The following MAP7 variants were observed in gnomAD, a reference collection of about 807,000 sequenced individuals.
MAP7 encodes ensconsin.
Under a neutral mutation model 94.8 loss-of-function variants are expected in MAP7, and 52 were observed. The ratio of observed to expected loss-of-function variants is 0.55; its 90% confidence interval spans 0.44 to 0.69. MAP7 has a LOEUF of 0.69. MAP7 is among the 30% of genes least tolerant of loss of function. The pLI, the probability that MAP7 is intolerant of heterozygous loss-of-function variation, is 0.00. For missense variants in MAP7, 940 were observed against 964.6 expected, an observed-to-expected ratio of 0.97 and a Z score of 0.34; for synonymous variants, 350 against 357.0, an observed-to-expected ratio of 0.98 and a Z score of 0.22.
chr6:136,516,245 C>T (rs1824786817), intron 1 of MAP7, among the ~76,000 whole-genome samples: 1 of 151,990 alleles, frequency 6.6e-6, no homozygotes. Flanking sequence ...ACTGCAGCCT[C>T]GACCTCCTTG....
chr6:136,484,802 T>C (rs991678585), intron 1 of MAP7, among the ~76,000 whole-genome samples: 4 of 152,198 alleles, frequency 2.6e-5, no homozygotes, highest in African/African-American at 9.7e-5. Context: ...CAGGCTCAAG[T>C]GATCCTCCTG....
Position 136,444,651 on chromosome 6 carries a change from G to A in MAP7, c.68-22852C>T, listed in dbSNP as rs190023161. On this transcript the variant is annotated intron_variant, in intron 1 of 17. Coordinates refer to ENST00000354570, the MANE Select transcript of MAP7 (RefSeq NM_003980.6). ...ATTTGATACCACTTTTGGATAAGCT[G>A]TAAACAAGCCCACAATAGAACAGGG... is the stretch of plus-strand genomic sequence containing the variant. Among the ~76,000 whole-genome samples the A allele has an allele frequency of 3.2e-3, 491 of 152,194 alleles. 3 individuals are homozygous for A. Among genetic ancestry groups the A allele is most frequent in the African/African-American group, 0.011 (472 of 41,506 alleles).
chr6:136,389,139 A>G (rs1455137737), intron 4 of MAP7, among the ~76,000 whole-genome samples: 1 of 152,220 alleles, frequency 6.6e-6, no homozygotes, highest in Non-Finnish European at 1.5e-5. Context: ...GGACCAGAGA[A>G]ATGGGCTTTT....
intron 9 of MAP7, 136 bp downstream of exon 9, chr6:136,366,191 T>C: frequency 1.9e-6 from 2 of 1,039,128 alleles, no homozygotes; most frequent in Non-Finnish European, 2.8e-6. Flanking sequence ...ATTTCTCTTT[T>C]TTCTTTCCTT....
At chr6:136,439,656 A>G (rs897538924) in intron 1 of MAP7, among the ~76,000 whole-genome samples, 1 of 152,030 alleles carries the variant, frequency 6.6e-6, no homozygotes, top group Non-Finnish European at 1.5e-5. Context: ...GCACTTTCTG[A>G]CCCTCTACAT....
chr6:136,421,654 A>T, intron 2 of MAP7, 47 bp downstream of exon 2: 1 of 1,527,962 alleles, frequency 6.5e-7, no homozygotes, highest in Non-Finnish European at 9.1e-7. Context: ...CCTTTAGGGC[A>T]TAAAAGATAA....
intron 7 of MAP7, among the ~76,000 whole-genome samples, chr6:136,373,153 G>A (rs1775067540): frequency 6.6e-6 from 1 of 152,138 alleles, no homozygotes; most frequent in Admixed American, 6.5e-5. Context: ...CAGCCAGCAG[G>A]GGAAAAAAGC....
intron 5 of MAP7, among the ~76,000 whole-genome samples, chr6:136,386,183 A>T (rs1260075681): frequency 6.6e-6 from 1 of 152,224 alleles, no homozygotes; most frequent in Non-Finnish European, 1.5e-5. Flanking sequence ...AAACCATGAT[A>T]GAGTACCCAT....
intron 15 of MAP7, among the ~76,000 whole-genome samples, chr6:136,357,161 A>G (rs1791224528): frequency 1.3e-5 from 2 of 152,216 alleles, no homozygotes; most frequent in South Asian, 2.1e-4. Context: ...CTGACACTGA[A>G]TATCTTTACA....
chr6:136,504,362 G>T lies in MAP7; in HGVS notation c.67+45980C>A, dbSNP rs539638636. Among the ~76,000 whole-genome samples, 85 of 146,436 alleles carry T rather than the reference G, an allele frequency of 5.8e-4. 2 individuals carry two copies. Among genetic ancestry groups the T allele is most frequent in the South Asian group, 5.7e-3 (26 of 4,570 alleles). The stretch of plus-strand genomic sequence containing the variant: ...TCGTTTTTTGTTTTGTTTTTTTTTT[G>T]GGGGGGAACAGAGCCTCACTCTGTC... On this transcript the variant is annotated intron_variant, in intron 1 of 17. Transcript: ENST00000354570.
chr6:136,367,363 T>C (rs1294174875), intron 8 of MAP7, among the ~76,000 whole-genome samples: 2 of 152,234 alleles, frequency 1.3e-5, no homozygotes, highest in Non-Finnish European at 2.9e-5. Context: ...GAGGGCAGAC[T>C]GCAAGCGTAC....
At chr6:136,375,072 T>C (rs1380152065) in intron 7 of MAP7, among the ~76,000 whole-genome samples, 1 of 152,076 alleles carries the variant, frequency 6.6e-6, no homozygotes, top group East Asian at 1.9e-4. Context: ...TTAATTGAAC[T>C]CGTTCAGGAT....
chr6:136,529,670 C>A (rs1395539403), intron 1 of MAP7, among the ~76,000 whole-genome samples: 3 of 152,166 alleles, frequency 2.0e-5, no homozygotes, highest in Admixed American at 6.5e-5. Flanking sequence ...GTAGATTTTA[C>A]AACTAGATTG....
chr6:136,505,150 C>T (rs1445419725), intron 1 of MAP7, among the ~76,000 whole-genome samples: 3 of 150,780 alleles, frequency 2.0e-5, no homozygotes, highest in South Asian at 2.1e-4. Context: ...TATAATCTTA[C>T]AACAAGGTAT....
At chr6:136,424,102 G>A (rs1274487243) in intron 1 of MAP7, among the ~76,000 whole-genome samples, 1 of 151,938 alleles carries the variant, frequency 6.6e-6, no homozygotes, top group African/African-American at 2.4e-5. Context: ...CCAGCTGGGA[G>A]TTTTTTGTTT....
chr6:136,435,481 C>T (rs985902847), intron 1 of MAP7, among the ~76,000 whole-genome samples: 14 of 152,160 alleles, frequency 9.2e-5, no homozygotes, highest in African/African-American at 3.1e-4. Context: ...TTTGAGTGCC[C>T]CCTCAAACTG....
chr6:136,410,412 A>G (rs1787069924), intron 3 of MAP7, among the ~76,000 whole-genome samples: 1 of 152,210 alleles, frequency 6.6e-6, no homozygotes, highest in Non-Finnish European at 1.5e-5. Context: ...TGCTTGTCAA[A>G]GCAACCTTAG....
chr6:136,399,126 GA>G (rs1359616540), intron 3 of MAP7, among the ~76,000 whole-genome samples: 1 of 152,168 alleles, frequency 6.6e-6, no homozygotes, highest in Non-Finnish European at 1.5e-5. Context: ...GTAATATAAT[GA>G]AGAGTCAGAA....
chr6:136,386,273 T>C (rs1362993574), intron 5 of MAP7, among the ~76,000 whole-genome samples: 1 of 152,194 alleles, frequency 6.6e-6, no homozygotes, highest in Non-Finnish European at 1.5e-5. Flanking sequence ...TCATAGCAAA[T>C]CATTTTCTGG....
Sources: gnomAD v4.1 joint callset for allele counts (sites outside exome capture counted in the v4.1 genomes callset) on GRCh38, gnomAD v4.1.1 for gene constraint, MANE v1.5 for transcripts, NCBI Gene and HGNC (gene_info 2026-07-23, HGNC 2026-07-21) for gene names.